ZNF829: variants seen among roughly 807,000 people sequenced by gnomAD.
ZNF829 encodes the protein zinc finger protein 829.
Under a neutral mutation model 35.2 loss-of-function variants are expected in ZNF829, and 25 were observed. The ratio of observed to expected loss-of-function variants is 0.71; its 90% CI spans 0.52 to 0.99. The LOEUF (loss-of-function observed/expected upper bound fraction) is 0.99. Ranked by LOEUF, ZNF829 falls within the 50% of genes least tolerant of loss-of-function variation. The pLI is 0.00. For synonymous variants in ZNF829, 136 were observed against 163.2 expected (o/e 0.83, Z 1.27); for missense variants, 417 against 515.3 (o/e 0.81, Z 1.85).
At chr19:36,903,365 A>G (rs1032871608) in intron 5 of ZNF829, among the ~76,000 whole-genome samples, 1 of 152,214 alleles carries the variant, frequency 6.6e-6, no homozygotes, top group Non-Finnish European at 1.5e-5. Flanking sequence ...TTTTAGTTAT[A>G]GTATGTGCAG....
intron 1 of ZNF829, chr19:36,915,651 G>A (rs1470072494): frequency 6.7e-6 from 4 of 595,874 alleles, no homozygotes; most frequent in Non-Finnish European, 1.2e-5. Flanking sequence ...AGGCTGGAGT[G>A]CAGTGGTGCG....
intron 5 of ZNF829, among the ~76,000 whole-genome samples, chr19:36,897,972 C>G (rs943099379): frequency 1.3e-5 from 2 of 152,168 alleles, no homozygotes; most frequent in Non-Finnish European, 2.9e-5. Flanking sequence ...AGTTTGAGAC[C>G]AGCCTGGCCA....
intron 3 of ZNF829, among the ~76,000 whole-genome samples, chr19:36,909,806 CAAA>C (rs35064154): frequency 1.8e-4 from 24 of 133,954 alleles, no homozygotes; most frequent in South Asian, 2.4e-4. Context: ...GACTCTGTCT[CAAA>C]AAAAAAAAAA....
intron 3 of ZNF829, among the ~76,000 whole-genome samples, chr19:36,910,369 G>C (rs2073254206): frequency 6.6e-6 from 1 of 152,202 alleles, no homozygotes; most frequent in Admixed American, 6.5e-5. Context: ...ACAGGCGTGA[G>C]CCACCACGCC....
At chr19:36,897,257 A>T (rs967842780) in intron 5 of ZNF829, among the ~76,000 whole-genome samples, 2 of 152,174 alleles carry the variant, frequency 1.3e-5, no homozygotes, top group Non-Finnish European at 2.9e-5. Flanking sequence ...AACAACAACA[A>T]CAAAAAGAGG....
chr19:36,912,429 C>T (rs2146251043), intron 3 of ZNF829, among the ~76,000 whole-genome samples: 1 of 152,178 alleles, frequency 6.6e-6, no homozygotes, highest in Non-Finnish European at 1.5e-5. Flanking sequence ...TGGAATCCTG[C>T]TTATTTCAAA....
intron 5 of ZNF829, chr19:36,902,168 AG>A: frequency 8.1e-6 from 2 of 247,580 alleles, no homozygotes; most frequent in Non-Finnish European, 7.7e-6. Context: ...CAAAAAAAAA[AG>A]AAAAAAAAAA....
At chr19:36,901,972 A>G in intron 5 of ZNF829, 1 of 748,382 alleles carries the variant, frequency 1.3e-6, no homozygotes, top group Non-Finnish European at 2.5e-6. Context: ...CCAAAGGAAT[A>G]AGGAATGTCC....
intron 3 of ZNF829, among the ~76,000 whole-genome samples, chr19:36,909,347 A>T (rs961312693): frequency 6.6e-6 from 1 of 152,218 alleles, no homozygotes; most frequent in African/African-American, 2.4e-5. Context: ...TGACACATAC[A>T]TAAAACCGGG....
chr19:36,907,113 G>GTATA (rs57790128), intron 5 of ZNF829: 139 of 118,054 alleles, frequency 1.2e-3, no homozygotes, highest in African/African-American at 4.3e-3. Flanking sequence ...AAAAAAAAAT[G>GTATA]TATATATATA....
intron 5 of ZNF829, among the ~76,000 whole-genome samples, chr19:36,900,696 A>T (rs1400279163): frequency 7.2e-5 from 11 of 152,054 alleles, no homozygotes; most frequent in African/African-American, 2.7e-4. Flanking sequence ...AAAAATACAA[A>T]AATTAGCTGG....
Position 36,891,571 on chromosome 19 carries a change from G to C in ZNF829, c.1220C>G (p.Pro407Arg). 6.2e-7 allele frequency: 1 copy of C among 1,612,818 alleles called. No individual in the cohort carries two copies. The highest frequency in any genetic ancestry group is 1.3e-5 in the African/African-American group (1 of 74,988). The change falls in exon 6 of 6, where the codon CCC becomes CGC. Residue 407 changes from proline to arginine, a missense_variant. Physicochemically the swap from Pro to Arg is moderately radical, Grantham distance 103. Transcript: ENST00000391711. ...RHQRIHTGEK[P>R]YDCKECGKAF... The stretch of plus-strand genomic sequence containing the variant: ...CTTTCCACATTCCTTACAGTCATAG[G>C]GTTTCTCACCAGTGTGAATTCTCTG...
At chr19:36,904,473 C>G (rs1473901000) in intron 5 of ZNF829, among the ~76,000 whole-genome samples, 2 of 152,102 alleles carry the variant, frequency 1.3e-5, no homozygotes, top group African/African-American at 4.8e-5. Flanking sequence ...GATCTCAGCT[C>G]ACTGCAACTT....
intron 5 of ZNF829, 151 bp from the exon 6 acceptor site, chr19:36,892,622 A>G (rs1395077931): frequency 2.4e-6 from 2 of 837,788 alleles, no homozygotes; most frequent in African/African-American, 3.4e-5. Context: ...TGACAAGAAA[A>G]GCACAGACAT....
chr19:36,908,210 A>C (rs898213990), intron 4 of ZNF829, 123 bp downstream of exon 4: 4 of 1,409,850 alleles, frequency 2.8e-6, no homozygotes, highest in Non-Finnish European at 3.9e-6. Flanking sequence ...ATTTTAACTC[A>C]AACCATTCCT....
chr19:36,908,083 C>G (rs2073234040), intron 4 of ZNF829, 59 bp from the exon 5 acceptor site: 2 of 1,472,842 alleles, frequency 1.4e-6, no homozygotes, highest in Admixed American at 1.9e-5. Flanking sequence ...GAAATCAGAT[C>G]CAGTCCCTTA....
intron 3 of ZNF829, among the ~76,000 whole-genome samples, 191 bp from the exon 4 acceptor site, chr19:36,908,650 G>A (rs2073239009): frequency 6.6e-6 from 1 of 152,188 alleles, no homozygotes; most frequent in Non-Finnish European, 1.5e-5. Context: ...CATGCATTCA[G>A]CTCAATTAGT....
chr19:36,914,756 A>T (rs1233767737), intron 3 of ZNF829, among the ~76,000 whole-genome samples: 1 of 152,098 alleles, frequency 6.6e-6, no homozygotes, highest in Admixed American at 6.6e-5. Flanking sequence ...GCTAAATTTT[A>T]TTTTTTCTTG....
intron 5 of ZNF829, among the ~76,000 whole-genome samples, chr19:36,894,572 C>G: frequency 6.6e-6 from 1 of 151,920 alleles, no homozygotes; most frequent in East Asian, 1.9e-4. Flanking sequence ...AATTCATGAT[C>G]TGAATGAGAA....
Sources: allele counts gnomAD v4.1 joint callset (sites outside exome capture counted in the v4.1 genomes callset), GRCh38; gene constraint gnomAD v4.1.1; transcripts MANE v1.5; gene names NCBI Gene and HGNC (gene_info 2026-07-23, HGNC 2026-07-21).